Variants in HSPA4 observed in about 807,000 individuals in gnomAD.
HSPA4 encodes the protein heat shock protein family A (Hsp70) member 4, also known as heat shock 70 kDa protein 4.
HSPA4 carries 25 observed loss-of-function variants against 106.2 expected under a neutral mutation model. The ratio of observed to expected loss-of-function variants is 0.24; its 90% CI spans 0.17 to 0.33. The LOEUF is 0.33. Among genes scored for constraint, HSPA4 ranks in the 10% least tolerant of loss-of-function variants. The pLI, the probability that HSPA4 is intolerant of heterozygous loss-of-function variation, is 1.00. For missense variants in HSPA4, 841 were observed against 996.0 expected (o/e 0.84, Z 2.10); for synonymous variants, 332 against 333.6 (o/e 1.00, Z 0.05).
intron 1 of HSPA4, among the ~76,000 whole-genome samples, chr5:133,059,590 G>A (rs1168143427): frequency 6.6e-6 from 1 of 152,140 alleles, no homozygotes. Context: ...TCCAGCCTGG[G>A]TGATAGAGTG....
At chr5:133,058,774 C>G (rs1371270041) in intron 1 of HSPA4, among the ~76,000 whole-genome samples, 1 of 152,050 alleles carries the variant, frequency 6.6e-6, no homozygotes, top group East Asian at 1.9e-4. Flanking sequence ...GGGGGGATCA[C>G]TTGAGCTCCG....
chr5:133,065,280 T>C, intron 2 of HSPA4, among the ~76,000 whole-genome samples: 1 of 152,072 alleles, frequency 6.6e-6, no homozygotes. Context: ...ACTGGAACAA[T>C]AAAAAATACA....
intron 1 of HSPA4, among the ~76,000 whole-genome samples, chr5:133,063,228 C>T (rs554341233): frequency 7.2e-5 from 11 of 152,102 alleles, no homozygotes; most frequent in East Asian, 3.9e-4. Context: ...ACCCCCACCC[C>T]GTGACTGCCC....
chr5:133,054,054 C>CA (rs74322503), intron 1 of HSPA4, among the ~76,000 whole-genome samples: 29,278 of 151,970 alleles, frequency 0.19, 3,110 homozygotes, highest in South Asian at 0.26. Flanking sequence ...TCAGAAGTCT[C>CA]ACATTTCCTT....
At chr5:133,081,231 A>G (rs1581473854) in intron 7 of HSPA4, among the ~76,000 whole-genome samples, 1 of 152,168 alleles carries the variant, frequency 6.6e-6, no homozygotes, top group South Asian at 2.1e-4. Context: ...TATTTTTAGT[A>G]GAGATGGGGT....
chr5:133,070,285 A>G, intron 3 of HSPA4, 89 bp from the exon 4 acceptor site: 1 of 1,312,636 alleles, frequency 7.6e-7, no homozygotes, highest in Non-Finnish European at 1.1e-6. Flanking sequence ...TGCATTGATA[A>G]TGGGAAGCAT....
chr5:133,067,126 TAGA>T (rs1765317219), intron 2 of HSPA4, among the ~76,000 whole-genome samples: 1 of 152,218 alleles, frequency 6.6e-6, no homozygotes, highest in Non-Finnish European at 1.5e-5. Flanking sequence ...AAATGTTTAT[TAGA>T]AGTTTAAGAA....
intron 2 of HSPA4, among the ~76,000 whole-genome samples, chr5:133,065,891 T>A (rs947876527): frequency 5.3e-5 from 8 of 152,218 alleles, no homozygotes; most frequent in Admixed American, 2.0e-4. Context: ...TGTTTGACCT[T>A]CTTATGGTTC....
chr5:133,067,382 G>A (rs755082542), intron 2 of HSPA4, 35 bp from the exon 3 acceptor site: 3 of 1,552,002 alleles, frequency 1.9e-6, no homozygotes, highest in South Asian at 2.4e-5. Context: ...AAAATTAGTA[G>A]TAGTCTTTCC....
At chr5:133,102,015 C>T (rs1387026105) in intron 17 of HSPA4, 137 bp downstream of exon 17, 1 of 559,620 alleles carries the variant, frequency 1.8e-6, no homozygotes, top group African/African-American at 2.0e-5. Flanking sequence ...CAACCTCCAC[C>T]TCCTGGGTTT....
rs772742465 is a variant in HSPA4 at position 133,076,772 on chromosome 5, G to A, written c.782G>A (p.Arg261His). The change falls in exon 7 of 19, where the codon CGT (arginine) becomes CAT (histidine). Residue 261 changes from arginine (R) to histidine (H), a missense_variant. Transcript: ENST00000304858. The part of the protein sequence containing the change: ...KYKLDIKSKI[R>H]ALLRLSQECE... Reference sequence around the variant, plus strand: ...AAGCTAGACATTAAGTCCAAAATCCGTGCATTATTACGACTCTCTCAGGAG... The same window carrying A: ...AAGCTAGACATTAAGTCCAAAATCCATGCATTATTACGACTCTCTCAGGAG... The A allele has an allele frequency of 5.6e-6, 9 of 1,613,848 alleles. No homozygotes were observed. Among genetic ancestry groups the A allele is most frequent in the Non-Finnish European group, 1.7e-6 (2 of 1,179,914 alleles).
chr5:133,067,393 A>G, intron 2 of HSPA4, 24 bp from the exon 3 acceptor site: 2 of 1,586,490 alleles, frequency 1.3e-6, no homozygotes, highest in Non-Finnish European at 1.7e-6. Flanking sequence ...TAGTCTTTCC[A>G]CTCTTTGATA....
chr5:133,068,798 T>C (rs1258284551), intron 3 of HSPA4, among the ~76,000 whole-genome samples: 1 of 152,190 alleles, frequency 6.6e-6, no homozygotes, highest in Non-Finnish European at 1.5e-5. Context: ...TTGGCAGATT[T>C]ATTCATAAGC....
intron 2 of HSPA4, among the ~76,000 whole-genome samples, chr5:133,066,758 G>A (rs1234133198): frequency 7.4e-6 from 1 of 135,342 alleles, no homozygotes; most frequent in South Asian, 2.3e-4. Context: ...TTTTTTGAGA[G>A]TGCAGTTTTT....
At chr5:133,079,004 G>C (rs1390124597) in intron 7 of HSPA4, among the ~76,000 whole-genome samples, 2 of 152,066 alleles carry the variant, frequency 1.3e-5, no homozygotes, top group Non-Finnish European at 2.9e-5. Context: ...AAAGTACTGG[G>C]GTTACAGGCA....
At chr5:133,076,581 C>T in intron 6 of HSPA4, 73 bp from the exon 7 acceptor site, 1 of 1,324,870 alleles carries the variant, frequency 7.5e-7, no homozygotes, top group Non-Finnish European at 1.0e-6. Flanking sequence ...AAACAACTTA[C>T]CAGGTAAATA....
At chr5:133,083,393 A>G (rs1439440394) in intron 7 of HSPA4, among the ~76,000 whole-genome samples, 1 of 152,184 alleles carries the variant, frequency 6.6e-6, no homozygotes, top group Non-Finnish European at 1.5e-5. Context: ...GATTTCAGAT[A>G]GTTTCAGACA....
chr5:133,065,879 C>T (rs182761760), intron 2 of HSPA4, among the ~76,000 whole-genome samples: 1 of 152,294 alleles, frequency 6.6e-6, no homozygotes, highest in African/African-American at 2.4e-5. Flanking sequence ...TAAGGAGTTG[C>T]ATGTTTGACC....
At chr5:133,096,436 T>C (rs1290126980) in intron 14 of HSPA4, among the ~76,000 whole-genome samples, 186 bp downstream of exon 14, 1 of 152,258 alleles carries the variant, frequency 6.6e-6, no homozygotes, top group Non-Finnish European at 1.5e-5. Flanking sequence ...AATTCTTTTA[T>C]GGTGGTACTA....
Sources: allele counts gnomAD v4.1 joint callset (sites outside exome capture counted in the v4.1 genomes callset), GRCh38; gene constraint gnomAD v4.1.1; transcripts MANE v1.5; gene names NCBI Gene and HGNC (gene_info 2026-07-23, HGNC 2026-07-21).